ELF2: variants seen among roughly 807,000 people sequenced by gnomAD.
The protein encoded by ELF2 is ETS-related transcription factor Elf-2.
A neutral mutation model predicts 54.8 loss-of-function variants in ELF2; 11 were observed. That is an observed-to-expected ratio of 0.20 (90% confidence interval 0.13 to 0.33). The LOEUF (loss-of-function observed/expected upper bound fraction) is 0.33. Among genes scored for constraint, ELF2 ranks in the 10% least tolerant of loss-of-function variants. ELF2 has a pLI of 1.00. For missense variants in ELF2, 513 were observed against 703.0 expected, an observed-to-expected ratio of 0.73 and a Z score of 3.06; for synonymous variants, 203 against 245.1, an observed-to-expected ratio of 0.83 and a Z score of 1.61.
intron 5 of ELF2, among the ~76,000 whole-genome samples, chr4:139,072,382 T>C (rs186939833): frequency 1.0e-3 from 152 of 152,312 alleles, no homozygotes; most frequent in Admixed American, 2.6e-3. Context: ...AATAGTATAA[T>C]AGTGAGTTAG....
chr4:139,079,936 A>G (rs1220688431), intron 4 of ELF2, among the ~76,000 whole-genome samples: 1 of 152,190 alleles, frequency 6.6e-6, no homozygotes, highest in Non-Finnish European at 1.5e-5. Context: ...AAAAAATAAA[A>G]ATTATGATTC....
chr4:139,084,407 C>A, intron 4 of ELF2: 1 of 1,397,976 alleles, frequency 7.2e-7, no homozygotes, highest in Non-Finnish European at 9.3e-7. Flanking sequence ...ACCCCACCAC[C>A]TAACGGCAGG....
intron 4 of ELF2, among the ~76,000 whole-genome samples, chr4:139,104,153 T>C (rs371157148): frequency 6.6e-6 from 1 of 152,280 alleles, no homozygotes; most frequent in East Asian, 1.9e-4. Context: ...AAAACTGTTA[T>C]TCTAATGAAA....
At chr4:139,102,327 C>T (rs993138779) in intron 4 of ELF2, 1 of 147,700 alleles carries the variant, frequency 6.8e-6, no homozygotes, top group Non-Finnish European at 1.5e-5. Flanking sequence ...TCGAGACCAT[C>T]CTGGCTAACA....
intron 4 of ELF2, among the ~76,000 whole-genome samples, chr4:139,098,976 G>A (rs1032796148): frequency 6.6e-6 from 1 of 151,996 alleles, no homozygotes; most frequent in Middle Eastern, 3.4e-3. Flanking sequence ...CTCCTTTGTT[G>A]CCTTTTGTTA....
chr4:139,168,852 G>A (rs573124645), intron 1 of ELF2, among the ~76,000 whole-genome samples: 1 of 152,244 alleles, frequency 6.6e-6, no homozygotes, highest in East Asian at 1.9e-4. Context: ...ACAGGCATGA[G>A]CCACTGTGCC....
At chr4:139,092,614 C>G (rs1732793373) in intron 4 of ELF2, among the ~76,000 whole-genome samples, 1 of 151,956 alleles carries the variant, frequency 6.6e-6, no homozygotes, top group South Asian at 2.1e-4. Context: ...TCCTGGCTAA[C>G]AGGGTGAAAC....
chr4:139,156,238 C>T (rs1330001117), intron 1 of ELF2, among the ~76,000 whole-genome samples: 1 of 152,028 alleles, frequency 6.6e-6, no homozygotes, highest in Non-Finnish European at 1.5e-5. Context: ...TGCAGTGGCG[C>T]GATCTCAGCT....
At chr4:139,092,233 G>A (rs575529827) in intron 4 of ELF2, among the ~76,000 whole-genome samples, 186 of 151,252 alleles carry the variant, frequency 1.2e-3, no homozygotes, top group Middle Eastern at 3.4e-3. Context: ...GTGGTGGCAG[G>A]CGACTTAATC....
At chr4:139,134,817 G>C (rs1737963818) in intron 3 of ELF2, among the ~76,000 whole-genome samples, 2 of 151,096 alleles carry the variant, frequency 1.3e-5, no homozygotes, top group South Asian at 4.2e-4. Context: ...AAGTGTAGGG[G>C]TTACAGGTAT....
At chr4:139,124,899 A>T (rs546681222) in intron 4 of ELF2, among the ~76,000 whole-genome samples, 1 of 152,160 alleles carries the variant, frequency 6.6e-6, no homozygotes, top group South Asian at 2.1e-4. Context: ...CTCAGAAAAA[A>T]AATAATAAAA....
chr4:139,114,932 ACTT>A, intron 4 of ELF2: 3 of 1,612,946 alleles, frequency 1.9e-6, no homozygotes, highest in South Asian at 1.1e-5. Flanking sequence ...GGGGACCCTC[ACTT>A]CTTCTGGGGT....
chr4:139,120,246 T>G (rs767266892), intron 4 of ELF2, among the ~76,000 whole-genome samples: 2 of 150,316 alleles, frequency 1.3e-5, no homozygotes, highest in Non-Finnish European at 3.0e-5. Context: ...TACCTAACTG[T>G]GCCTCTCCCC....
At chr4:139,060,076 C>G (rs756454851) in intron 9 of ELF2, among the ~76,000 whole-genome samples, 1 of 152,076 alleles carries the variant, frequency 6.6e-6, no homozygotes, top group African/African-American at 2.4e-5. Context: ...TGTTGACCTC[C>G]TGTCCTCAAG....
chr4:139,145,699 A>G (rs1718023972), intron 1 of ELF2, among the ~76,000 whole-genome samples: 2 of 152,218 alleles, frequency 1.3e-5, no homozygotes, highest in Admixed American at 6.5e-5. Context: ...ACCATGATCA[A>G]GTGGGTTTAA....
intron 1 of ELF2, among the ~76,000 whole-genome samples, chr4:139,169,934 C>T (rs1157440780): frequency 6.6e-6 from 1 of 151,130 alleles, no homozygotes; most frequent in Non-Finnish European, 1.5e-5. Flanking sequence ...TATGCATATT[C>T]CCATTATAAT....
At chr4:139,091,954 T>C (rs976862946) in intron 4 of ELF2, among the ~76,000 whole-genome samples, 2 of 148,582 alleles carry the variant, frequency 1.3e-5, no homozygotes, top group Non-Finnish European at 3.0e-5. Context: ...TATACACACA[T>C]ATATATACAT....
intron 1 of ELF2, among the ~76,000 whole-genome samples, chr4:139,171,048 A>G (rs1250142525): frequency 1.3e-5 from 2 of 152,018 alleles, no homozygotes; most frequent in Non-Finnish European, 2.9e-5. Flanking sequence ...ACCCAGCCCA[A>G]ACAACCCAAT....
chr4:139,135,351 C>T (rs750311247), intron 3 of ELF2, among the ~76,000 whole-genome samples: 2 of 151,622 alleles, frequency 1.3e-5, no homozygotes, highest in African/African-American at 2.4e-5. Flanking sequence ...CCACCATTCT[C>T]AAATCTCCCT....
Sources: gnomAD v4.1 joint callset for allele counts (sites outside exome capture counted in the v4.1 genomes callset) on GRCh38, gnomAD v4.1.1 for gene constraint, MANE v1.5 for transcripts, NCBI Gene and HGNC (gene_info 2026-07-23, HGNC 2026-07-21) for gene names.